The following SGCZ variants were observed in gnomAD, a reference collection of about 807,000 sequenced individuals.
SGCZ encodes zeta-sarcoglycan.
In SGCZ, 40 loss-of-function variants were observed where a neutral mutation model predicts 41.3. The ratio of observed to expected loss-of-function variants is 0.97; its 90% confidence interval spans 0.75 to 1.26. The LOEUF (loss-of-function observed/expected upper bound fraction) is 1.26. Among genes scored for constraint, SGCZ ranks in the 50% most tolerant of loss-of-function variants. The pLI is 0.00. For missense variants in SGCZ, 552 were observed against 369.8 expected (o/e 1.49, Z -4.04); for synonymous variants, 206 against 137.5 (o/e 1.50, Z -3.49).
chr8:14,519,846 G>A (rs906311810), intron 2 of SGCZ, among the ~76,000 whole-genome samples: 4 of 152,040 alleles, frequency 2.6e-5, no homozygotes, highest in African/African-American at 9.7e-5. Context: ...ACCACTGATC[G>A]TGTTTTGTGC....
At chr8:14,256,840 C>G (rs1189150121) in intron 3 of SGCZ, among the ~76,000 whole-genome samples, 2 of 152,180 alleles carry the variant, frequency 1.3e-5, no homozygotes, top group Non-Finnish European at 2.9e-5. Context: ...TTTACTCTTA[C>G]TTTAATTACA....
chr8:14,683,217 T>C (rs1392839190), intron 1 of SGCZ, among the ~76,000 whole-genome samples: 1 of 152,188 alleles, frequency 6.6e-6, no homozygotes. Flanking sequence ...GGCAATAGAC[T>C]AATTTATAAT....
intron 4 of SGCZ, among the ~76,000 whole-genome samples, chr8:14,215,204 G>GA (rs1168284517): frequency 6.6e-6 from 1 of 152,048 alleles, no homozygotes; most frequent in African/African-American, 2.4e-5. Flanking sequence ...ATCAATATTA[G>GA]AAAGGTAGCA....
intron 4 of SGCZ, among the ~76,000 whole-genome samples, chr8:14,188,535 G>C (rs142044575): frequency 6.6e-6 from 1 of 152,282 alleles, no homozygotes; most frequent in African/African-American, 2.4e-5. Flanking sequence ...TAATTGCCTA[G>C]AGGGGTGGGA....
At chr8:14,149,919 AT>A (rs1803647212) in intron 5 of SGCZ, among the ~76,000 whole-genome samples, 2 of 152,256 alleles carry the variant, frequency 1.3e-5, no homozygotes, top group South Asian at 4.1e-4. Context: ...AGAACATACA[AT>A]GGAGAAAAGA....
chr8:14,644,372 C>A (rs78473651), intron 1 of SGCZ, among the ~76,000 whole-genome samples: 1 of 151,674 alleles, frequency 6.6e-6, no homozygotes, highest in Non-Finnish European at 1.5e-5. Flanking sequence ...ATCCTGCTGA[C>A]CTTCCAGCAA....
intron 1 of SGCZ, among the ~76,000 whole-genome samples, chr8:15,186,823 T>C (rs1380508118): frequency 1.3e-5 from 2 of 152,200 alleles, no homozygotes; most frequent in Non-Finnish European, 2.9e-5. Context: ...GCCCAAAGTA[T>C]TAACTGTGAA....
intron 4 of SGCZ, among the ~76,000 whole-genome samples, chr8:14,174,220 G>T (rs1173178955): frequency 6.6e-6 from 1 of 152,048 alleles, no homozygotes; most frequent in African/African-American, 2.4e-5. Flanking sequence ...CTGTTTTAAA[G>T]ACATACTATC....
intron 1 of SGCZ, among the ~76,000 whole-genome samples, chr8:14,968,124 T>C (rs1801178672): frequency 6.6e-6 from 1 of 152,192 alleles, no homozygotes; most frequent in Non-Finnish European, 1.5e-5. Context: ...TTGGTTAAAA[T>C]GATTGTTTGA....
At chr8:14,460,681 T>C (rs1800877179) in intron 2 of SGCZ, among the ~76,000 whole-genome samples, 1 of 152,158 alleles carries the variant, frequency 6.6e-6, no homozygotes, top group Non-Finnish European at 1.5e-5. Flanking sequence ...AAGTAGATTT[T>C]GTCCCTGCTT....
At chr8:14,431,141 T>C (rs1005888470) in intron 2 of SGCZ, among the ~76,000 whole-genome samples, 1 of 152,078 alleles carries the variant, frequency 6.6e-6, no homozygotes, top group African/African-American at 2.4e-5. Flanking sequence ...TTCAATGCAA[T>C]TGCCATCAAA....
intron 2 of SGCZ, among the ~76,000 whole-genome samples, chr8:14,364,851 A>T (rs1451504144): frequency 4.6e-5 from 7 of 152,086 alleles, no homozygotes; most frequent in Non-Finnish European, 8.8e-5. Context: ...AATAACTTAA[A>T]ATTCATATAG....
chr8:14,829,943 C>G lies in SGCZ; in HGVS notation c.40-275017G>C, dbSNP rs1802469991. Among the ~76,000 whole-genome samples the G allele has an allele frequency of 2.6e-5, 4 of 152,198 alleles. No homozygotes were observed. The South Asian group carries it at 8.3e-4, about 32-fold the overall frequency. On this transcript the variant is annotated intron_variant, in intron 1 of 7. Coordinates refer to ENST00000382080, the MANE Select transcript of SGCZ (RefSeq NM_139167.4). ...TCTCCTGCCTCAGCCTCCTGAGTAG[C>G]TGGGACTACAGGCGACTGCACCACG...
chr8:14,431,626 G>T (rs960578007), intron 2 of SGCZ, among the ~76,000 whole-genome samples: 2 of 152,104 alleles, frequency 1.3e-5, no homozygotes, highest in African/African-American at 4.8e-5. Context: ...CATTGGCTTA[G>T]GCAGGAATTT....
intron 1 of SGCZ, among the ~76,000 whole-genome samples, chr8:15,180,950 T>C (rs981235738): frequency 6.0e-5 from 9 of 151,242 alleles, no homozygotes; most frequent in Non-Finnish European, 1.0e-4. Flanking sequence ...CATGGCAAAC[T>C]AGAACAACAA....
At chr8:14,341,754 G>A (rs180863616) in intron 2 of SGCZ, among the ~76,000 whole-genome samples, 2 of 152,200 alleles carry the variant, frequency 1.3e-5, no homozygotes, top group African/African-American at 4.8e-5. Context: ...GATCTGATGG[G>A]TTTAATCGGG....
chr8:14,964,508 AT>A (rs1474996016), intron 1 of SGCZ, among the ~76,000 whole-genome samples: 4 of 152,174 alleles, frequency 2.6e-5, no homozygotes, highest in African/African-American at 9.7e-5. Flanking sequence ...GCATGCAGGA[AT>A]TTCATTAGCG....
At chr8:14,181,493 C>A (rs1018723810) in intron 4 of SGCZ, among the ~76,000 whole-genome samples, 1 of 152,200 alleles carries the variant, frequency 6.6e-6, no homozygotes, top group African/African-American at 2.4e-5. Context: ...AACATAAGCT[C>A]TTAAAGGCGT....
intron 1 of SGCZ, among the ~76,000 whole-genome samples, chr8:14,956,471 T>G (rs921995749): frequency 6.6e-6 from 1 of 152,150 alleles, no homozygotes; most frequent in Non-Finnish European, 1.5e-5. Context: ...AGTTTATATT[T>G]TACATATTTT....
Sources: gnomAD v4.1 joint callset for allele counts (sites outside exome capture counted in the v4.1 genomes callset) on GRCh38, gnomAD v4.1.1 for gene constraint, MANE v1.5 for transcripts, NCBI Gene and HGNC (gene_info 2026-07-23, HGNC 2026-07-21) for gene names.